GSDMC: variants seen among roughly 807,000 people sequenced by gnomAD.
GSDMC encodes gasdermin-C.
Under a neutral mutation model 58.0 loss-of-function variants are expected in GSDMC, and 59 were observed. That is an observed-to-expected ratio of 1.02 (90% CI 0.82 to 1.26). The LOEUF (loss-of-function observed/expected upper bound fraction) is 1.26. Among genes scored for constraint, GSDMC ranks in the 50% most tolerant of loss-of-function variants. The pLI, the probability that GSDMC is intolerant of heterozygous loss-of-function variation, is 0.00. For missense variants in GSDMC, 659 were observed against 598.5 expected (o/e 1.10, Z -1.06); for synonymous variants, 241 against 220.2 (o/e 1.09, Z -0.83).
At chr8:129,785,175 C>T (rs1000125815) in intron 1 of GSDMC, among the ~76,000 whole-genome samples, 2 of 152,068 alleles carry the variant, frequency 1.3e-5, no homozygotes, top group African/African-American at 4.8e-5. Flanking sequence ...TGCACTGTTG[C>T]ACTCCAGCCT....
the GSDMC span, among the ~76,000 whole-genome samples, chr8:129,723,552 C>T: frequency 6.6e-6 from 1 of 151,942 alleles, no homozygotes; most frequent in Admixed American, 6.6e-5. Flanking sequence ...AGGCATGAGC[C>T]ACCGCGCCTG....
At chr8:129,758,719 AC>A (rs2033538474) in intron 6 of GSDMC, among the ~76,000 whole-genome samples, 1 of 152,160 alleles carries the variant, frequency 6.6e-6, no homozygotes, top group South Asian at 2.1e-4. Context: ...TGAAGAAGAC[AC>A]CAAAAAAGTG....
At chr8:129,761,367 GT>G (rs2033654018) in intron 5 of GSDMC, among the ~76,000 whole-genome samples, 1 of 152,042 alleles carries the variant, frequency 6.6e-6, no homozygotes, top group African/African-American at 2.4e-5. Flanking sequence ...CCCACCTGTT[GT>G]CCCCTCACAG....
At chr8:129,784,045 G>C (rs1586627073) in intron 1 of GSDMC, among the ~76,000 whole-genome samples, 1 of 152,054 alleles carries the variant, frequency 6.6e-6, no homozygotes, top group Non-Finnish European at 1.5e-5. Flanking sequence ...TCATATGCAG[G>C]AGACTGAAAC....
chr8:129,773,848 A>T (rs2034138516), intron 3 of GSDMC, among the ~76,000 whole-genome samples: 1 of 151,984 alleles, frequency 6.6e-6, no homozygotes, highest in Non-Finnish European at 1.5e-5. Context: ...TTGTGAATAC[A>T]TTTCACCAAG....
At chr8:129,760,613 A>G (rs1462299715) in intron 5 of GSDMC, 24 bp from the exon 6 acceptor site, 5 of 1,526,530 alleles carry the variant, frequency 3.3e-6, no homozygotes, top group Admixed American at 1.7e-5. Context: ...AAGAACTTCC[A>G]TTAGGAGAGT....
the GSDMC span, among the ~76,000 whole-genome samples, chr8:129,709,540 G>A: frequency 6.6e-5 from 8 of 120,604 alleles, no homozygotes; most frequent in Non-Finnish European, 1.2e-4. Context: ...AGTTGATATA[G>A]ATAGATAATA....
At chr8:129,767,855 T>C (rs1431012272) in intron 3 of GSDMC, among the ~76,000 whole-genome samples, 3 of 152,046 alleles carry the variant, frequency 2.0e-5, no homozygotes, top group Non-Finnish European at 4.4e-5. Context: ...CAGGGAAAAT[T>C]TCAGAGCCCA....
At chr8:129,713,837 G>A in the GSDMC span, among the ~76,000 whole-genome samples, 3 of 152,084 alleles carry the variant, frequency 2.0e-5, no homozygotes, top group Non-Finnish European at 4.4e-5. Flanking sequence ...CATAAATGAT[G>A]GAGCCCATGA....
At chr8:129,760,693 T>A in intron 5 of GSDMC, 104 bp from the exon 6 acceptor site, 1 of 670,400 alleles carries the variant, frequency 1.5e-6, no homozygotes, top group Non-Finnish European at 2.7e-6. Flanking sequence ...GCCTGTTAAA[T>A]CTGACCACTG....
chr8:129,717,248 GGCTTT>G, the GSDMC span, among the ~76,000 whole-genome samples: 1 of 118,228 alleles, frequency 8.5e-6, no homozygotes, highest in South Asian at 2.7e-4. Context: ...TCTGGTCCTG[GGCTTT>G]TTTTTTTTTT....
At chr8:129,750,214 A>C in intron 11 of GSDMC, 95 bp from the exon 12 acceptor site, 1 of 1,134,626 alleles carries the variant, frequency 8.8e-7, no homozygotes, top group Non-Finnish European at 1.2e-6. Flanking sequence ...AGGGGTAGGC[A>C]TGAGGGTTCT....
At chr8:129,715,491 A>G in the GSDMC span, among the ~76,000 whole-genome samples, 1 of 152,328 alleles carries the variant, frequency 6.6e-6, no homozygotes, top group South Asian at 2.1e-4. Context: ...AAATCAGTAA[A>G]CCCACAGAAC....
the GSDMC span, among the ~76,000 whole-genome samples, chr8:129,734,509 G>T: frequency 1.3e-5 from 2 of 152,198 alleles, no homozygotes; most frequent in African/African-American, 4.8e-5. Context: ...AGATGAGAGT[G>T]GGGGCCAATA....
intron 3 of GSDMC, among the ~76,000 whole-genome samples, chr8:129,766,474 T>C (rs1321423367): frequency 6.6e-6 from 1 of 152,172 alleles, no homozygotes; most frequent in Non-Finnish European, 1.5e-5. Context: ...TATTGAGGGA[T>C]TCTTAATTGG....
intron 10 of GSDMC, among the ~76,000 whole-genome samples, chr8:129,750,808 A>G (rs1406055203): frequency 3.3e-5 from 5 of 152,214 alleles, no homozygotes; most frequent in Admixed American, 3.3e-4. Context: ...GGGAGCAGAG[A>G]TTGAGATTCT....
downstream of GSDMC, among the ~76,000 whole-genome samples, chr8:129,744,527 AAT>A (rs547867410): frequency 2.6e-5 from 4 of 152,236 alleles, no homozygotes; most frequent in Non-Finnish European, 5.9e-5. Context: ...GATCCAACAT[AAT>A]GGTAATTTCA....
At chr8:129,730,007 C>A in the GSDMC span, 2 of 1,428,522 alleles carry the variant, frequency 1.4e-6, no homozygotes, top group South Asian at 2.4e-5. Flanking sequence ...GTTCATCTTC[C>A]AACGGAAGAA....
At chr8:129,757,594 C>CA (rs141888209) in intron 6 of GSDMC, among the ~76,000 whole-genome samples, 2,202 of 148,890 alleles carry the variant, frequency 0.015, 52 homozygotes, top group African/African-American at 0.051. Context: ...TAAGATACAT[C>CA]AAAAAAAAAG....
Sources: allele counts gnomAD v4.1 joint callset (sites outside exome capture counted in the v4.1 genomes callset), GRCh38; gene constraint gnomAD v4.1.1; transcripts MANE v1.5; gene names NCBI Gene and HGNC (gene_info 2026-07-23, HGNC 2026-07-21).